The following CDH15 variants were observed in gnomAD, a reference collection of about 807,000 sequenced individuals.
CDH15 encodes cadherin 15, also known as cadherin-15.
A neutral mutation model predicts 69.4 loss-of-function variants in CDH15; 73 were observed. The ratio of observed to expected loss-of-function variants is 1.05; its 90% CI spans 0.87 to 1.28. The LOEUF is 1.28. Ranked by LOEUF, CDH15 falls within the 50% of genes most tolerant of loss-of-function variation. The probability of loss-of-function intolerance (pLI) is 0.00; values close to 1 mark genes in which losing one functional copy is unlikely to be tolerated. For synonymous variants in CDH15, 624 were observed against 507.7 expected (o/e 1.23, Z -3.08); for missense variants, 1,343 against 1,133.6 (o/e 1.18, Z -2.65).
At chr16:89,183,424 C>G in intron 3 of CDH15, 124 bp from the exon 4 acceptor site, 1 of 1,121,098 alleles carries the variant, frequency 8.9e-7, no homozygotes, top group Non-Finnish European at 1.3e-6. Context: ...TGTTTCTCGC[C>G]TGTTTAAGCT....
chr16:89,178,650 G>T (rs1915309252), intron 1 of CDH15, among the ~76,000 whole-genome samples: 1 of 152,092 alleles, frequency 6.6e-6, no homozygotes, highest in Admixed American at 6.5e-5. Context: ...TGACGTGTTG[G>T]GACCTGACAG....
chr16:89,188,946 TGTCC>T (rs1915567890), intron 7 of CDH15, among the ~76,000 whole-genome samples: 1 of 77,442 alleles, frequency 1.3e-5, no homozygotes, highest in African/African-American at 5.3e-5. Context: ...ATGCCCACAC[TGTCC>T]ACACACCGAT....
Position 89,188,332 on chromosome 16 carries a change from C to T in CDH15, c.978+47C>T, listed in dbSNP as rs761519510. 1.5e-5 allele frequency: 23 copies of T among 1,531,700 alleles called. No individual in the cohort carries two copies. In the South Asian group the frequency reaches 2.3e-4, roughly 15 times the overall value. The allele number at this position is 1,531,700 out of a possible 1,614,324, so 94.9% of individuals were successfully genotyped here. A position where few individuals can be genotyped will look rare whatever the true frequency, so the allele number is the denominator to read the frequency against. ...CACAGATGCCGGCAGACGCAGATGC[C>T]GACACACACAGATGCCCACACACAG... is the stretch of plus-strand genomic sequence containing the variant. On this transcript the variant is annotated intron_variant, in intron 7 of 13. Coordinates refer to ENST00000289746, the MANE Select transcript of CDH15 (RefSeq NM_004933.3).
chr16:89,180,153 GC>G (rs1266818482), intron 2 of CDH15, 46 bp from the exon 3 acceptor site: 1 of 1,603,632 alleles, frequency 6.2e-7, no homozygotes, highest in African/African-American at 1.3e-5. Flanking sequence ...GAGGGCAGAG[GC>G]CCCCGCCCGG....
At chr16:89,188,055 T>TC (rs1555592788) in intron 6 of CDH15, 45 bp from the exon 7 acceptor site, 1 of 1,543,084 alleles carries the variant, frequency 6.5e-7, no homozygotes, top group Non-Finnish European at 8.8e-7. Flanking sequence ...ACCCATGCTG[T>TC]CCCCCCAGCC....
intron 7 of CDH15, among the ~76,000 whole-genome samples, chr16:89,188,840 C>CGG (rs1915562978): frequency 4.3e-5 from 3 of 70,584 alleles, no homozygotes; most frequent in Non-Finnish European, 2.7e-5. Flanking sequence ...GCACAGGTGC[C>CGG]CACACACAGA....
At chr16:89,177,290 T>A (rs919304533) in intron 1 of CDH15, among the ~76,000 whole-genome samples, 1 of 152,076 alleles carries the variant, frequency 6.6e-6, no homozygotes, top group Non-Finnish European at 1.5e-5. Context: ...GCGCTGGGCA[T>A]GTGGGGCTGG....
intron 1 of CDH15, among the ~76,000 whole-genome samples, chr16:89,178,613 G>T (rs113269489): frequency 7.6e-6 from 1 of 131,424 alleles, no homozygotes; most frequent in Non-Finnish European, 1.6e-5. Flanking sequence ...TCAGGAACCC[G>T]CACCACCAGC....
rs756845157 is a variant in CDH15, at chr16:89,187,532, A to G, written c.767A>G (p.Asn256Ser). 5 of 1,613,662 alleles carry G rather than the reference A, an allele frequency of 3.1e-6. No homozygotes were observed. The highest frequency in any genetic ancestry group is 4.2e-6 in the Non-Finnish European group (5 of 1,180,022). The change falls in exon 6 of 14, where the codon AAT becomes AGT. Residue 256 changes from asparagine to serine, a missense_variant. Coordinates refer to ENST00000289746, the MANE Select transcript of CDH15 (RefSeq NM_004933.3). ...AIITLDDIND[N>S]APEFTRDEFF... is the part of the protein sequence containing the mutation. The stretch of plus-strand genomic sequence containing the variant: ...ATCACCCTTGATGACATCAATGACA[A>G]TGCCCCCGAGTTCACCAGGGATGAG...
intron 3 of CDH15, among the ~76,000 whole-genome samples, chr16:89,181,034 A>G (rs1597304212): frequency 6.8e-6 from 1 of 146,318 alleles, no homozygotes; most frequent in African/African-American, 2.5e-5. Flanking sequence ...CAGTGGCACA[A>G]TCTCAGCTGA....
intron 4 of CDH15, 84 bp downstream of exon 4, chr16:89,183,776 C>T: frequency 7.2e-7 from 1 of 1,397,548 alleles, no homozygotes; most frequent in South Asian, 1.3e-5. Context: ...AGCAAGAATT[C>T]CAGAGGCCCC....
At position 89,179,446 on chromosome 16, in the gene CDH15, T is replaced by C. The variant is rs762302481; in HGVS notation, c.73T>C (p.Trp25Arg). 6.2e-7 allele frequency: 1 copy of C among 1,613,602 alleles called. No homozygotes were observed. The highest frequency in any genetic ancestry group is 2.2e-5 in the East Asian group (1 of 44,880). Residue 25 changes from tryptophan to arginine, a missense_variant, in exon 2 of 14, where the codon TGG (tryptophan) becomes CGG (arginine). Physicochemically the swap from Trp to Arg is moderately radical, Grantham distance 101. Coordinates refer to ENST00000289746, the MANE Select transcript of CDH15 (RefSeq NM_004933.3). ...CTGCCTGTCTTTGGGGGTTCCTGGA[T>C]GGAGGAGGCCCACCACCCTGTACCC... ...SLCLSLGVPG[W>R]RRPTTLYPWR...
At position 89,192,381 on chromosome 16, in the gene CDH15, G is replaced by C; in HGVS notation, c.1792G>C (p.Gly598Arg). 3 of 1,537,216 alleles carry C rather than the reference G, an allele frequency of 2.0e-6. No individual in the cohort carries two copies. The highest frequency in any genetic ancestry group is 1.7e-6 in the Non-Finnish European group (2 of 1,147,982). ...GCCGGGGGCCGCAGCGCTGCTGGCG[G>C]GGGGCACAGGCCTCAGCCTGGGCGC... The part of the protein sequence containing the change: ...CLPGAAALLA[G>R]GTGLSLGALV... The change falls in exon 11 of 14, where the codon GGG (glycine) becomes CGG (arginine). Residue 598 changes from glycine (G) to arginine (R), a missense_variant. Transcript: ENST00000289746.
rs558591918 is a variant in CDH15, at chr16:89,173,743, C to T, written c.42+1870C>T. ...GCCTTCTACAAGTGAGGGGTTGCTCCCCTGCTCGGGCCACCTCTGATTGCT... is the reference window on the plus strand; with the variant it reads ...GCCTTCTACAAGTGAGGGGTTGCTCTCCTGCTCGGGCCACCTCTGATTGCT... On this transcript the variant is annotated intron_variant, in intron 1 of 13. Transcript: ENST00000289746. 2.6e-3 allele frequency among the ~76,000 whole-genome samples: 394 copies of T among 152,336 alleles called. 3 individuals carry two copies. Among genetic ancestry groups the T allele is most frequent in the African/African-American group, 8.7e-3 (361 of 41,582 alleles).
intron 3 of CDH15, among the ~76,000 whole-genome samples, chr16:89,181,370 G>A (rs894327506): frequency 2.0e-5 from 3 of 152,202 alleles, no homozygotes; most frequent in Admixed American, 1.3e-4. Context: ...CCAGCACTTC[G>A]GGAGGCTGAG....
intron 3 of CDH15, 84 bp from the exon 4 acceptor site, chr16:89,183,464 C>A: frequency 6.7e-7 from 1 of 1,489,644 alleles, no homozygotes; most frequent in Non-Finnish European, 9.3e-7. Context: ...AAAGTCTGAA[C>A]GTGCTGTCTC....
Position 89,185,284 on chromosome 16 carries a change from A to G in CDH15, c.614A>G (p.Asp205Gly). 1 of 1,606,178 alleles carries G rather than the reference A, an allele frequency of 6.2e-7. No individual in the cohort carries two copies. Among genetic ancestry groups the G allele is most frequent in the South Asian group, 1.1e-5 (1 of 89,666 alleles). The change falls in exon 5 of 14, where the codon GAC (aspartate) becomes GGC (glycine). Residue 205 changes from aspartate (D) to glycine (G), a missense_variant. Asp to Gly is a moderately conservative substitution (Grantham distance 94). Coordinates refer to ENST00000289746, the MANE Select transcript of CDH15 (RefSeq NM_004933.3). ...GGCAGCCCCGAGCTCTTCAGCATCG[A>G]CGAGCTCACAGGAGAGATCCGCACA... ...QQGSPELFSI[D>G]ELTGEIRTVQ...
rs73264004 is a variant in CDH15, at chr16:89,187,055, G to A, written c.664-374G>A. Among the ~76,000 whole-genome samples the A allele has an allele frequency of 8.0e-3, 1,215 of 151,388 alleles. 21 individuals carry two copies. Among genetic ancestry groups the A allele is most frequent in the African/African-American group, 0.028 (1,153 of 41,018 alleles). ...AGTGCACAGTAGGTGCTCTGTAAAC[G>A]CTTACCCCGGGCACACAAGGTGCTC... On this transcript the variant is annotated intron_variant, in intron 5 of 13. Coordinates refer to ENST00000289746, the MANE Select transcript of CDH15 (RefSeq NM_004933.3).
intron 3 of CDH15, among the ~76,000 whole-genome samples, chr16:89,181,786 A>T (rs1168132953): frequency 1.3e-5 from 2 of 151,722 alleles, no homozygotes; most frequent in African/African-American, 4.8e-5. Flanking sequence ...AAAAAATACA[A>T]AAGTTAGCTG....
Sources: allele counts gnomAD v4.1 joint callset (sites outside exome capture counted in the v4.1 genomes callset), GRCh38; gene constraint gnomAD v4.1.1; transcripts MANE v1.5; gene names NCBI Gene and HGNC (gene_info 2026-07-23, HGNC 2026-07-21).